MROH1: variants seen among roughly 807,000 people sequenced by gnomAD.
MROH1 encodes the protein maestro heat-like repeat-containing protein family member 1.
In MROH1, 117 loss-of-function variants were observed where a neutral mutation model predicts 116.5. The ratio of observed to expected loss-of-function variants is 1.00; its 90% CI spans 0.86 to 1.17. The LOEUF is 1.17. Among genes scored for constraint, MROH1 ranks in the 50% most tolerant of loss-of-function variants. The pLI, the probability that MROH1 is intolerant of heterozygous loss-of-function variation, is 0.00. For synonymous variants in MROH1, 921 were observed against 583.9 expected (o/e 1.58, Z -8.32); for missense variants, 1,873 against 1,338.5 (o/e 1.40, Z -6.23).
chr8:144,192,886 G>C (rs552070953), intron 10 of MROH1: 1 of 318,920 alleles, frequency 3.1e-6, no homozygotes. Context: ...GGCTGAGAAC[G>C]ACTGAGGGAT....
chr8:144,165,711 A>G (rs1474969322), intron 3 of MROH1, among the ~76,000 whole-genome samples: 1 of 150,020 alleles, frequency 6.7e-6, no homozygotes, highest in Non-Finnish European at 1.5e-5. Flanking sequence ...AGTAGCTGGG[A>G]CTACAGGTGC....
chr8:144,225,185 T>C (rs1304726276), intron 14 of MROH1, among the ~76,000 whole-genome samples: 1 of 152,176 alleles, frequency 6.6e-6, no homozygotes, highest in Non-Finnish European at 1.5e-5. Context: ...ACCACAGGCA[T>C]GCGCCAGCCA....
At chr8:144,222,157 AG>A (rs796141526) in intron 13 of MROH1, among the ~76,000 whole-genome samples, 7 of 152,192 alleles carry the variant, frequency 4.6e-5, no homozygotes, top group African/African-American at 1.7e-4. Flanking sequence ...CCCTGAGGCC[AG>A]GGTGAGCCCC....
At chr8:144,168,598 G>A (rs763479254) in intron 4 of MROH1, among the ~76,000 whole-genome samples, 158 bp downstream of exon 4, 6 of 152,126 alleles carry the variant, frequency 3.9e-5, no homozygotes, top group African/African-American at 1.4e-4. Context: ...ATGTCAGGGT[G>A]GGTAACCTGC....
In MROH1 at chr8:144,180,484, G is replaced by A. The variant is rs996493258; in HGVS notation, c.523G>A (p.Val175Met). 9.3e-6 allele frequency: 15 copies of A among 1,612,162 alleles called. No individual in the cohort carries two copies. The African/African-American group carries it at 9.3e-5, about 10-fold the overall frequency. Residue 175 changes from valine to methionine, a missense_variant, in exon 7 of 44, where the codon GTG (valine) becomes ATG (methionine). Transcript: ENST00000326134. The surrounding 1 kb of genome is among the most constrained non-coding windows in gnomAD (Gnocchi z 7.4). Reference sequence around the variant, plus strand: ...GAGCTCCCTGCTGCCCGTGCTGGGCGTGGCCAAGCAGGACACGGTGCGCGT... The same window carrying A: ...GAGCTCCCTGCTGCCCGTGCTGGGCATGGCCAAGCAGGACACGGTGCGCGT... ...VLSSLLPVLG[V>M]AKQDTVRVAF... is the part of the protein sequence containing the mutation.
At chr8:144,228,682 G>T (rs113685858) in intron 14 of MROH1, among the ~76,000 whole-genome samples, 1 of 152,152 alleles carries the variant, frequency 6.6e-6, no homozygotes, top group Admixed American at 6.6e-5. Context: ...CAAGATGGTC[G>T]CAATCTCCTG....
In MROH1 at chr8:144,182,073, G is replaced by T. The variant is rs368244609; in HGVS notation, c.562+1550G>T. On this transcript the variant is annotated intron_variant, in intron 7 of 43. Transcript: ENST00000326134. The surrounding 1 kb of genome is among the most constrained non-coding windows in gnomAD (Gnocchi z 4.1). ...GTGTGCTCCCCACCACAAATGGAAC[G>T]TTCCCTGTTTGCATCTGGAGGGGTT... 1.3e-5 allele frequency among the ~76,000 whole-genome samples: 2 copies of T among 152,228 alleles called. No homozygotes were observed. Among genetic ancestry groups the T allele is most frequent in the East Asian group, 1.9e-4 (1 of 5,196 alleles).
At chr8:144,201,918 G>A (rs1831235402) in intron 12 of MROH1, among the ~76,000 whole-genome samples, 1 of 152,002 alleles carries the variant, frequency 6.6e-6, no homozygotes, top group Non-Finnish European at 1.5e-5. Flanking sequence ...CTACTTGGGA[G>A]GCTGAGGCAG....
chr8:144,180,412 T>C lies in MROH1; in HGVS notation c.464-13T>C. ...GCCTTGGCGGAGGCCTTTGACGGTG[T>C]CCTCTCTCACAGCGTTCGGCGTAGT... On this transcript the variant is annotated splice_polypyrimidine_tract_variant and intron_variant, in intron 6 of 43. Coordinates refer to ENST00000326134, the MANE Select transcript of MROH1 (RefSeq NM_032450.3). The surrounding 1 kb of genome is among the most constrained non-coding windows in gnomAD (Gnocchi z 7.4). 6.2e-7 allele frequency: 1 copy of C among 1,612,734 alleles called. No individual in the cohort carries two copies. The highest frequency in any genetic ancestry group is 8.5e-7 in the Non-Finnish European group (1 of 1,179,668).
Position 144,243,860 on chromosome 8 carries a change from C to T in MROH1, c.2476-3C>T. ...GGCTGAGTCATGCACCTGCCTCACC[C>T]AGGAGTTCATCAGGGCAGAGCCCCC... On this transcript the variant is annotated splice_region_variant and splice_polypyrimidine_tract_variant and intron_variant, in intron 25 of 43. Coordinates refer to ENST00000326134, the MANE Select transcript of MROH1 (RefSeq NM_032450.3). The T allele has an allele frequency of 2.6e-6, 2 of 779,054 alleles. No individual in the cohort carries two copies. The highest frequency in any genetic ancestry group is 2.7e-5 in the South Asian group (2 of 74,256). 48.3% of individuals were successfully genotyped at this position (779,054 alleles called of 1,614,324 possible).
chr8:144,184,101 G>T (rs1489429460), intron 7 of MROH1, among the ~76,000 whole-genome samples: 1 of 152,216 alleles, frequency 6.6e-6, no homozygotes, highest in African/African-American at 2.4e-5. Flanking sequence ...CCTCTCTCCT[G>T]AGAATTTGTA....
rs138464904 is a variant in MROH1 at position 144,167,505 on chromosome 8, G to T, written c.23-790G>T. Among the ~76,000 whole-genome samples, 2 of 133,090 alleles carry T rather than the reference G, an allele frequency of 1.5e-5. 1 individual carries two copies. Among genetic ancestry groups the T allele is most frequent in the Admixed American group, 1.4e-4 (2 of 14,014 alleles). The allele number at this position is 133,090 out of a possible 152,430, so 87.3% of individuals were successfully genotyped here. A position where few individuals can be genotyped will look rare whatever the true frequency, so the allele number is the denominator to read the frequency against. On this transcript the variant is annotated intron_variant, in intron 3 of 43. Coordinates refer to ENST00000326134, the MANE Select transcript of MROH1 (RefSeq NM_032450.3). ...TGGCCGGTTGTTGGGTAGAGTGGCC[G>T]GTTGTTGGGGTGGAGTGGCCGGTTG...
chr8:144,167,505 G>A (rs138464904), intron 3 of MROH1, among the ~76,000 whole-genome samples: 4,327 of 133,058 alleles, frequency 0.033, 452 homozygotes, highest in African/African-American at 0.14. Flanking sequence ...TAGAGTGGCC[G>A]GTTGTTGGGG....
Position 144,148,064 on chromosome 8 carries a change from G to T in MROH1, c.-189G>T, listed in dbSNP as rs934762265. On this transcript the variant is annotated 5_prime_UTR_variant, in exon 1 of 44. Transcript: ENST00000326134. ...AAGGCGGCGCCCCGGCCGAGGTGGCGGCGGCTCCTCAGGTAAACGGCGGGT... is the reference window on the plus strand; with the variant it reads ...AAGGCGGCGCCCCGGCCGAGGTGGCTGCGGCTCCTCAGGTAAACGGCGGGT... 2 of 152,330 alleles carry T rather than the reference G, an allele frequency of 1.3e-5. No homozygotes were observed. Among genetic ancestry groups the T allele is most frequent in the African/African-American group, 4.8e-5 (2 of 41,442 alleles). The allele number at this position is 152,330 out of a possible 1,614,324, so 9.4% of individuals were successfully genotyped here. A position where few individuals can be genotyped will look rare whatever the true frequency, so the allele number is the denominator to read the frequency against.
At chr8:144,201,580 A>T (rs1479251099) in intron 12 of MROH1, among the ~76,000 whole-genome samples, 2 of 152,200 alleles carry the variant, frequency 1.3e-5, no homozygotes, top group African/African-American at 4.8e-5. Flanking sequence ...CACAAAGCCT[A>T]AAATATTTTC....
Position 144,200,795 on chromosome 8 carries a change from C to G in MROH1, c.1141+254C>G, listed in dbSNP as rs80150834. 2.2e-4 allele frequency: 105 copies of G among 476,384 alleles called. 2 individuals are homozygous for G. In the East Asian group the frequency reaches 3.8e-3, roughly 17 times the overall value. The allele number at this position is 476,384 out of a possible 1,614,324, so 29.5% of individuals were successfully genotyped here. On this transcript the variant is annotated intron_variant, in intron 12 of 43. Transcript: ENST00000326134. ...GCTGCAGACACCATGCGTGGCCACA[C>G]TCCCCAGGTGACCATGCCTCTGAGG...
chr8:144,203,420 C>T (rs1832096051), intron 12 of MROH1, among the ~76,000 whole-genome samples: 1 of 147,582 alleles, frequency 6.8e-6, no homozygotes, highest in South Asian at 2.1e-4. Context: ...GGAGCGTCAG[C>T]TCTCTGTGGA....
intron 3 of MROH1, among the ~76,000 whole-genome samples, chr8:144,164,778 G>C (rs925908466): frequency 2.0e-5 from 3 of 152,250 alleles, no homozygotes; most frequent in African/African-American, 7.2e-5. Flanking sequence ...GGCTGTTCAG[G>C]CTGCTGTAAC....
chr8:144,159,765 A>ATTTT (rs1161961224), intron 1 of MROH1, among the ~76,000 whole-genome samples: 18 of 123,728 alleles, frequency 1.5e-4, no homozygotes, highest in African/African-American at 2.5e-4. Flanking sequence ...ACGCCTGGTA[A>ATTTT]TTTTTTTTTT....
Sources: allele counts gnomAD v4.1 joint callset (sites outside exome capture counted in the v4.1 genomes callset), GRCh38; gene constraint gnomAD v4.1.1; non-coding constraint Gnocchi (gnomAD v3.1); transcripts MANE v1.5; gene names NCBI Gene and HGNC (gene_info 2026-07-23, HGNC 2026-07-21).